The following KIF20B variants were observed in gnomAD, a reference collection of about 807,000 sequenced individuals.
The protein encoded by KIF20B is kinesin family member 20B.
In KIF20B, 188 loss-of-function variants were observed where a neutral mutation model predicts 232.5. The ratio of observed to expected loss-of-function variants is 0.81; its 90% confidence interval spans 0.72 to 0.91. The LOEUF (loss-of-function observed/expected upper bound fraction) is 0.91, where lower values mean the gene tolerates loss of function less well. Ranked by LOEUF, KIF20B falls within the 40% of genes least tolerant of loss-of-function variation. The pLI is 0.00. For synonymous variants in KIF20B, 712 were observed against 683.0 expected, an observed-to-expected ratio of 1.04 and a Z score of -0.66; for missense variants, 2,154 against 2,055.9, an observed-to-expected ratio of 1.05 and a Z score of -0.92.
At position 89,710,988 on chromosome 10, in the gene KIF20B, C is replaced by T. The variant is rs948773833; in HGVS notation, c.518C>T (p.Pro173Leu). The change falls in exon 6 of 33, where the codon CCT (proline) becomes CTT (leucine). Residue 173 changes from proline (P) to leucine (L), a missense_variant. By Grantham distance (98) the Pro-to-Leu change is moderately conservative. Coordinates refer to ENST00000371728, the MANE Select transcript of KIF20B (RefSeq NM_001284259.2). ...ACAGAAGAAAATATTGGCATTCTGC[C>T]TCGAACTTTGAATGTATTATTTGAT... is the stretch of plus-strand genomic sequence containing the variant. ...QGTEENIGIL[P>L]RTLNVLFDSL... The T allele has an allele frequency of 6.2e-7, 1 of 1,605,658 alleles. No individual in the cohort carries two copies. The highest frequency in any genetic ancestry group is 1.3e-5 in the African/African-American group (1 of 74,370).
In KIF20B at chr10:89,738,951, T is replaced by A. The variant is rs776211489; in HGVS notation, c.3777-7T>A. The A allele has an allele frequency of 6.2e-7, 1 of 1,608,320 alleles. No homozygotes were observed. Among genetic ancestry groups the A allele is most frequent in the Non-Finnish European group, 8.5e-7 (1 of 1,178,498 alleles). Reference sequence around the variant, plus strand: ...ATTACCATAGAAAAGTGGTTTATGTTTTTTAGATTGAAAGAGGAACTCTCT... The same window carrying A: ...ATTACCATAGAAAAGTGGTTTATGTATTTTAGATTGAAAGAGGAACTCTCT... On this transcript the variant is annotated splice_region_variant and splice_polypyrimidine_tract_variant and intron_variant, in intron 20 of 32. Coordinates refer to ENST00000371728, the MANE Select transcript of KIF20B (RefSeq NM_001284259.2).
chr10:89,735,403 A>G (rs1001872603), intron 19 of KIF20B, among the ~76,000 whole-genome samples: 1 of 152,110 alleles, frequency 6.6e-6, no homozygotes. Context: ...CTAGTAGATG[A>G]GAGAGACAAA....
intron 19 of KIF20B, among the ~76,000 whole-genome samples, chr10:89,735,279 CAT>C (rs1253348325): frequency 2.6e-5 from 4 of 151,936 alleles, no homozygotes; most frequent in Non-Finnish European, 4.4e-5. Context: ...AAAAGAAGAA[CAT>C]ATGTGGTATA....
At chr10:89,702,976 T>A (rs941274568) in intron 1 of KIF20B, among the ~76,000 whole-genome samples, 1 of 152,180 alleles carries the variant, frequency 6.6e-6, no homozygotes, top group African/African-American at 2.4e-5. Flanking sequence ...TGAACACTTT[T>A]AGAAATGCTA....
chr10:89,726,793 G>A (rs1377864321), intron 16 of KIF20B, among the ~76,000 whole-genome samples: 1 of 151,986 alleles, frequency 6.6e-6, no homozygotes, highest in Non-Finnish European at 1.5e-5. Flanking sequence ...TATGAGTAAA[G>A]CTGTAAATTT....
chr10:89,757,963 C>T (rs1438224269), intron 26 of KIF20B, among the ~76,000 whole-genome samples: 1 of 151,552 alleles, frequency 6.6e-6, no homozygotes, highest in Non-Finnish European at 1.5e-5. Context: ...TCTCTTCTGT[C>T]CCATTGATTT....
chr10:89,763,346 T>C (rs1235600957), intron 29 of KIF20B, among the ~76,000 whole-genome samples: 2 of 152,146 alleles, frequency 1.3e-5, no homozygotes, highest in Non-Finnish European at 1.5e-5. Flanking sequence ...TTAAAAGATA[T>C]AGCGTCCTTG....
chr10:89,720,657 A>C (rs1193736069), intron 13 of KIF20B, among the ~76,000 whole-genome samples: 1 of 152,190 alleles, frequency 6.6e-6, no homozygotes, highest in Non-Finnish European at 1.5e-5. Flanking sequence ...TAAATAAATA[A>C]GATTTAACGG....
rs755646052 is a variant in KIF20B, at chr10:89,709,349, G to T, written c.239G>T (p.Cys80Phe). The T allele has an allele frequency of 6.2e-7, 1 of 1,611,686 alleles. No individual in the cohort carries two copies. Among genetic ancestry groups the T allele is most frequent in the African/African-American group, 1.3e-5 (1 of 74,856 alleles). The change falls in exon 4 of 33, where the codon TGT (cysteine) becomes TTT (phenylalanine). Residue 80 changes from cysteine to phenylalanine, a missense_variant. Transcript: ENST00000371728. ...TATTGGGGGTATGTTTTCTAGGGCT[G>T]TGTGCATATTCTGGATTCACAGACT... ...QSEKELESEG[C>F]VHILDSQTVV...
intron 29 of KIF20B, among the ~76,000 whole-genome samples, chr10:89,764,128 T>G (rs187438059): frequency 0.042 from 6,020 of 144,648 alleles, 345 homozygotes; most frequent in African/African-American, 0.14. Context: ...TTCCCACCTA[T>G]GAGTGAGAAC....
At chr10:89,708,557 G>T (rs1197046200) in intron 2 of KIF20B, among the ~76,000 whole-genome samples, 8 of 136,230 alleles carry the variant, frequency 5.9e-5, no homozygotes, top group African/African-American at 2.1e-4. Context: ...TAAACTACTA[G>T]GGCCTGAATT....
intron 23 of KIF20B, among the ~76,000 whole-genome samples, chr10:89,746,842 C>CT (rs11418667): frequency 1 from 152,352 of 152,354 alleles, 76,175 homozygotes; most frequent in Middle Eastern, 1. Flanking sequence ...TAAGATGCAG[C>CT]TTATCAAAAG....
chr10:89,761,953 A>C (rs1360479165), intron 28 of KIF20B, among the ~76,000 whole-genome samples: 1 of 152,136 alleles, frequency 6.6e-6, no homozygotes. Context: ...CATGTAATCG[A>C]TATACTTAAC....
chr10:89,704,569 T>G (rs934366552), intron 1 of KIF20B, among the ~76,000 whole-genome samples: 118 of 152,122 alleles, frequency 7.8e-4, no homozygotes, highest in Middle Eastern at 3.2e-3. Context: ...GTTTTGTTTT[T>G]TTTTTTTGAC....
chr10:89,723,379 T>C (rs1205541175), intron 13 of KIF20B, among the ~76,000 whole-genome samples: 1 of 139,324 alleles, frequency 7.2e-6, no homozygotes, highest in Non-Finnish European at 1.6e-5. Flanking sequence ...TTTTCATGAT[T>C]ATGTATGTGT....
At chr10:89,708,340 T>C (rs556552144) in intron 2 of KIF20B, among the ~76,000 whole-genome samples, 21 of 152,252 alleles carry the variant, frequency 1.4e-4, no homozygotes, top group Non-Finnish European at 2.5e-4. Context: ...GCCTCCCAAG[T>C]AGCTGGGATT....
Position 89,774,384 on chromosome 10 carries a change from T to C in KIF20B, c.*336T>C, listed in dbSNP as rs958453161. The C allele has an allele frequency of 2.4e-4, 39 of 162,494 alleles. No homozygotes were observed. Among genetic ancestry groups the C allele is most frequent in the African/African-American group, 8.1e-4 (34 of 41,872 alleles). 10.1% of individuals were successfully genotyped at this position (162,494 alleles called of 1,614,324 possible). A position where few individuals can be genotyped will look rare whatever the true frequency, so the allele number is the denominator to read the frequency against. ...TTTACTTATATTTAACAATGTCTTA[T>C]GAATTTTTTTTACTTTATCTGTTAT... On this transcript the variant is annotated 3_prime_UTR_variant, in exon 33 of 33. Transcript: ENST00000371728.
At chr10:89,737,275 TA>T in intron 19 of KIF20B, 111 bp from the exon 20 acceptor site, 1 of 1,086,772 alleles carries the variant, frequency 9.2e-7, no homozygotes, top group Non-Finnish European at 1.2e-6. Flanking sequence ...TTTTTTTTTT[TA>T]ATTAGAAGTT....
chr10:89,762,022 A>C (rs1166517881), intron 28 of KIF20B, among the ~76,000 whole-genome samples: 2 of 152,146 alleles, frequency 1.3e-5, no homozygotes, highest in African/African-American at 4.8e-5. Context: ...TGGGAATTCC[A>C]CTGGACTTAA....
Sources: gnomAD v4.1 joint callset for allele counts (sites outside exome capture counted in the v4.1 genomes callset) on GRCh38, gnomAD v4.1.1 for gene constraint, MANE v1.5 for transcripts, NCBI Gene and HGNC (gene_info 2026-07-23, HGNC 2026-07-21) for gene names.